The following LIN28A variants were observed in gnomAD, a reference collection of about 807,000 sequenced individuals.
LIN28A encodes the protein lin-28 RNA binding posttranscriptional regulator A.
A neutral mutation model predicts 21.1 loss-of-function variants in LIN28A; 11 were observed. The observed-to-expected ratio is 0.52, with a 90% CI of 0.33 to 0.86. LIN28A has a LOEUF of 0.86. LIN28A is among the 40% of genes least tolerant of loss of function. LIN28A has a pLI of 0.03. For synonymous variants in LIN28A, 111 were observed against 108.7 expected, an observed-to-expected ratio of 1.02 and a Z score of -0.13; for missense variants, 219 against 279.8, an observed-to-expected ratio of 0.78 and a Z score of 1.55.
intron 2 of LIN28A, among the ~76,000 whole-genome samples, chr1:26,412,918 C>G (rs574028244): frequency 6.6e-6 from 1 of 152,238 alleles, no homozygotes; most frequent in East Asian, 1.9e-4. Context: ...CCAAGAGGAC[C>G]TGCAGCAGGA....
chr1:26,416,152 C>G (rs1282323098), intron 2 of LIN28A, among the ~76,000 whole-genome samples: 1 of 152,062 alleles, frequency 6.6e-6, no homozygotes, highest in African/African-American at 2.4e-5. Flanking sequence ...ACCACCACAC[C>G]CAGCTAATTT....
Position 26,426,353 on chromosome 1 carries a change from G to C in LIN28A, c.525G>C (p.Pro175=). Residue 175 remains proline (P), a synonymous_variant, in exon 4 of 4, where the codon CCG becomes CCC. Transcript: ENST00000326279. Reference sequence around the variant, plus strand: ...TCAGCCATATGGTAGCCTCATGTCCGCTGAAGGCCCAGCAGGGCCCTAGTG... The same window carrying C: ...TCAGCCATATGGTAGCCTCATGTCCCCTGAAGGCCCAGCAGGGCCCTAGTG... ...QSISHMVASC[P]LKAQQGPSAQ... 6.2e-7 allele frequency: 1 copy of C among 1,614,142 alleles called. No individual in the cohort carries two copies. The highest frequency in any genetic ancestry group is 8.5e-7 in the Non-Finnish European group (1 of 1,179,986).
intron 2 of LIN28A, among the ~76,000 whole-genome samples, chr1:26,417,012 T>A (rs1418352556): frequency 1.1e-4 from 15 of 142,380 alleles, no homozygotes; most frequent in African/African-American, 3.1e-4. Context: ...TAGGAACCTT[T>A]CATTCTTATC....
intron 2 of LIN28A, among the ~76,000 whole-genome samples, chr1:26,414,608 G>C (rs2074982725): frequency 6.6e-6 from 1 of 152,122 alleles, no homozygotes; most frequent in African/African-American, 2.4e-5. Context: ...TTTTCCTTAG[G>C]TACACATCTT....
chr1:26,411,044 T>C lies in LIN28A; in HGVS notation c.31+122T>C, dbSNP rs1248835439. 1 of 1,280,216 alleles carries C rather than the reference T, an allele frequency of 7.8e-7. No individual in the cohort carries two copies. Among genetic ancestry groups the C allele is most frequent in the Non-Finnish European group, 1.1e-6 (1 of 938,134 alleles). The allele number at this position is 1,280,216 out of a possible 1,614,324, so 79.3% of individuals were successfully genotyped here. The stretch of plus-strand genomic sequence containing the variant: ...AGGACCCCAAGACGGTGCGGCCTTC[T>C]GCTTCATAGGGCCGTCTCTGGGGCC... On this transcript the variant is annotated intron_variant, in intron 1 of 3. Coordinates refer to ENST00000326279, the MANE Select transcript of LIN28A (RefSeq NM_024674.6). This position sits in a 1 kb window ranked among gnomAD's most constrained non-coding sequence, Gnocchi z 5.4.
Position 26,411,067 on chromosome 1 carries a change from G to A in LIN28A, c.31+145G>A. On this transcript the variant is annotated intron_variant, in intron 1 of 3. Transcript: ENST00000326279. The surrounding 1 kb of genome is among the most constrained non-coding windows in gnomAD (Gnocchi z 5.4). ...TCTGCTTCATAGGGCCGTCTCTGGGGCCAGGAACCTTGGTGTCCCAGTGGC... is the reference window on the plus strand; with the variant it reads ...TCTGCTTCATAGGGCCGTCTCTGGGACCAGGAACCTTGGTGTCCCAGTGGC... 9.0e-7 allele frequency: 1 copy of A among 1,110,720 alleles called. No individual in the cohort carries two copies. Among genetic ancestry groups the A allele is most frequent in the Admixed American group, 3.1e-5 (1 of 32,742 alleles). 68.8% of individuals were successfully genotyped at this position (1,110,720 alleles called of 1,614,324 possible). A position where few individuals can be genotyped will look rare whatever the true frequency, so the allele number is the denominator to read the frequency against.
chr1:26,419,494 TG>T (rs1437604095), intron 2 of LIN28A, among the ~76,000 whole-genome samples: 2 of 152,174 alleles, frequency 1.3e-5, no homozygotes, highest in Non-Finnish European at 2.9e-5. Context: ...TCCAGTCAAC[TG>T]GGGCTTAGAG....
At chr1:26,419,430 A>G (rs1049483481) in intron 2 of LIN28A, among the ~76,000 whole-genome samples, 1 of 152,142 alleles carries the variant, frequency 6.6e-6, no homozygotes, top group African/African-American at 2.4e-5. Context: ...GTCCCCATTT[A>G]TATGATCCTC....
At chr1:26,417,717 C>T (rs2075001894) in intron 2 of LIN28A, among the ~76,000 whole-genome samples, 1 of 152,148 alleles carries the variant, frequency 6.6e-6, no homozygotes, top group Non-Finnish European at 1.5e-5. Context: ...AGTTACAACA[C>T]GTAAAGTGGT....
At chr1:26,423,496 G>A (rs1338847097) in intron 2 of LIN28A, among the ~76,000 whole-genome samples, 8 of 120,234 alleles carry the variant, frequency 6.7e-5, no homozygotes, top group African/African-American at 1.6e-4. Context: ...CGCAACCTCC[G>A]CCTCCCGGGT....
At chr1:26,415,374 C>A (rs923508756) in intron 2 of LIN28A, among the ~76,000 whole-genome samples, 1 of 152,102 alleles carries the variant, frequency 6.6e-6, no homozygotes, top group African/African-American at 2.4e-5. Context: ...GGGAAATATA[C>A]GGAATCTTTC....
At chr1:26,423,707 C>T (rs538273437) in intron 2 of LIN28A, among the ~76,000 whole-genome samples, 5 of 151,904 alleles carry the variant, frequency 3.3e-5, no homozygotes, top group South Asian at 2.1e-4. Context: ...CCATTGCGCA[C>T]GGCCCATTAG....
intron 2 of LIN28A, among the ~76,000 whole-genome samples, chr1:26,414,193 A>T (rs888535067): frequency 6.6e-6 from 1 of 151,100 alleles, no homozygotes. Context: ...AACACAGGAT[A>T]AATTGTTTAC....
chr1:26,411,645 G>T lies in LIN28A; in HGVS notation c.228+63G>T. On this transcript the variant is annotated intron_variant, in intron 2 of 3. Transcript: ENST00000326279. The surrounding 1 kb of genome is among the most constrained non-coding windows in gnomAD (Gnocchi z 5.4). ...GTCTAGGCGCCCATATCCACGGGTGGGCTCCGGGCTCGCAGTTGAATTGAG... is the reference window on the plus strand; with the variant it reads ...GTCTAGGCGCCCATATCCACGGGTGTGCTCCGGGCTCGCAGTTGAATTGAG... 6.5e-7 allele frequency: 1 copy of T among 1,533,754 alleles called. No individual in the cohort carries two copies. The highest frequency in any genetic ancestry group is 8.9e-7 in the Non-Finnish European group (1 of 1,127,088).
intron 2 of LIN28A, among the ~76,000 whole-genome samples, chr1:26,418,761 T>A (rs1274688736): frequency 6.6e-6 from 1 of 152,128 alleles, no homozygotes; most frequent in Non-Finnish European, 1.5e-5. Context: ...CCTGTTTGGT[T>A]CTATCCATGA....
chr1:26,411,296 G>T lies in LIN28A; in HGVS notation c.32-90G>T. The T allele has an allele frequency of 3.1e-6, 4 of 1,273,408 alleles. No individual in the cohort carries two copies. The highest frequency in any genetic ancestry group is 4.2e-6 in the Non-Finnish European group (4 of 949,990). 78.9% of individuals were successfully genotyped at this position (1,273,408 alleles called of 1,614,324 possible). On this transcript the variant is annotated intron_variant, in intron 1 of 3. Coordinates refer to ENST00000326279, the MANE Select transcript of LIN28A (RefSeq NM_024674.6). This position sits in a 1 kb window ranked among gnomAD's most constrained non-coding sequence, Gnocchi z 5.4. The stretch of plus-strand genomic sequence containing the variant: ...CCCCTCCTGGCTGTCCACTTGTGGG[G>T]CTGGATACTCGGGTCTCCCTGCCTG...
At position 26,411,285 on chromosome 1, in the gene LIN28A, C is replaced by A; in HGVS notation, c.32-101C>A. 2 of 1,173,954 alleles carry A rather than the reference C, an allele frequency of 1.7e-6. No homozygotes were observed. The highest frequency in any genetic ancestry group is 2.3e-6 in the Non-Finnish European group (2 of 861,698). The allele number at this position is 1,173,954 out of a possible 1,614,324, so 72.7% of individuals were successfully genotyped here. ...TTGGTAGCTGCCCCCTCCTGGCTGT[C>A]CACTTGTGGGGCTGGATACTCGGGT... is the stretch of plus-strand genomic sequence containing the variant. On this transcript the variant is annotated intron_variant, in intron 1 of 3. Coordinates refer to ENST00000326279, the MANE Select transcript of LIN28A (RefSeq NM_024674.6). The surrounding 1 kb of genome is among the most constrained non-coding windows in gnomAD (Gnocchi z 5.4).
chr1:26,413,833 T>C (rs1424001072), intron 2 of LIN28A, among the ~76,000 whole-genome samples: 2 of 146,958 alleles, frequency 1.4e-5, no homozygotes, highest in Non-Finnish European at 3.0e-5. Flanking sequence ...TGCTTTTTTT[T>C]TTTTTTTTTT....
chr1:26,412,213 C>A (rs749540524), intron 2 of LIN28A, among the ~76,000 whole-genome samples: 8 of 152,178 alleles, frequency 5.3e-5, no homozygotes, highest in Non-Finnish European at 1.0e-4. Context: ...AGAGCCCAGG[C>A]CTTCCTTACA....
Sources: allele counts gnomAD v4.1 joint callset (sites outside exome capture counted in the v4.1 genomes callset), GRCh38; gene constraint gnomAD v4.1.1; non-coding constraint Gnocchi (gnomAD v3.1); transcripts MANE v1.5; gene names NCBI Gene and HGNC (gene_info 2026-07-23, HGNC 2026-07-21).